The following CAMTA1 variants were observed in gnomAD, a reference collection of about 807,000 sequenced individuals.
The protein encoded by CAMTA1 is calmodulin-binding transcription activator 1.
CAMTA1 carries 27 observed loss-of-function variants against 170.9 expected under a neutral mutation model. That is an observed-to-expected ratio of 0.16 (90% CI 0.12 to 0.22). The LOEUF (loss-of-function observed/expected upper bound fraction) is 0.22. Among genes scored for constraint, CAMTA1 ranks in the 10% least tolerant of loss-of-function variants. CAMTA1 has a pLI of 1.00. For synonymous variants in CAMTA1, 833 were observed against 891.5 expected (o/e 0.93, Z 1.17); for missense variants, 1,619 against 2,217.2 (o/e 0.73, Z 5.42).
At position 7,492,937 on chromosome 1, in the gene CAMTA1, A is replaced by C. The variant is rs555582280; in HGVS notation, c.510+25036A>C. 2.8e-5 allele frequency among the ~76,000 whole-genome samples: 3 copies of C among 108,164 alleles called. No homozygotes were observed. The South Asian group carries it at 8.9e-4, about 32-fold the overall frequency. The allele number at this position is 108,164 out of a possible 152,430, so 71.0% of individuals were successfully genotyped here. On this transcript the variant is annotated intron_variant, in intron 6 of 22. Coordinates refer to ENST00000303635, the MANE Select transcript of CAMTA1 (RefSeq NM_015215.4). Reference sequence around the variant, plus strand: ...CACACAAACCTGCAAACACACACGCACGCACACATAAACACAGACTTACAT... The same window carrying C: ...CACACAAACCTGCAAACACACACGCCCGCACACATAAACACAGACTTACAT...
chr1:6,854,613 G>A (rs1661601778), intron 3 of CAMTA1, among the ~76,000 whole-genome samples: 1 of 152,166 alleles, frequency 6.6e-6, no homozygotes, highest in African/African-American at 2.4e-5. Flanking sequence ...TATGCATAGG[G>A]AACATTGATC....
In CAMTA1 at chr1:7,678,096, T is replaced by C. The variant is rs1274135344; in HGVS notation, c.2914+363T>C. Among the ~76,000 whole-genome samples, 4 of 152,202 alleles carry C rather than the reference T, an allele frequency of 2.6e-5. No individual in the cohort carries two copies. The East Asian group carries it at 7.7e-4, about 29-fold the overall frequency. On this transcript the variant is annotated intron_variant, in intron 11 of 22. Coordinates refer to ENST00000303635, the MANE Select transcript of CAMTA1 (RefSeq NM_015215.4). ...CAGGCAGCAAGGTCCAAGCACCCGC[T>C]GTGCCCCTCCAGGCCTGTTTCCGCG...
chr1:7,395,035 A>G lies in CAMTA1; in HGVS notation c.439-72795A>G, dbSNP rs542403267. 1.7e-3 allele frequency among the ~76,000 whole-genome samples: 253 copies of G among 152,132 alleles called. 2 individuals carry two copies. The highest frequency in any genetic ancestry group is 3.8e-3 in the Admixed American group (58 of 15,276). On this transcript the variant is annotated intron_variant, in intron 5 of 22. Transcript: ENST00000303635. ...GTAGCCAGGACTACAGGTGTCCGCC[A>G]CCACGCCTGGTTAACTTTTGTGTTT... is the stretch of plus-strand genomic sequence containing the variant.
At chr1:7,036,215 T>G (rs1425806688) in intron 3 of CAMTA1, among the ~76,000 whole-genome samples, 1 of 152,098 alleles carries the variant, frequency 6.6e-6, no homozygotes, top group Non-Finnish European at 1.5e-5. Context: ...GAAAATACGA[T>G]TGGTTGGCAC....
At chr1:6,944,025 ATCTCCC>A in intron 3 of CAMTA1, among the ~76,000 whole-genome samples, 1 of 151,770 alleles carries the variant, frequency 6.6e-6, no homozygotes, top group East Asian at 1.9e-4. Flanking sequence ...CGAACTCTCC[ATCTCCC>A]TATCCCCCCA....
intron 4 of CAMTA1, among the ~76,000 whole-genome samples, chr1:7,228,709 C>T (rs1662152649): frequency 6.6e-6 from 1 of 152,158 alleles, no homozygotes; most frequent in Admixed American, 6.5e-5. Flanking sequence ...TGAGAACCTG[C>T]CAGCAGAGCA....
At chr1:7,243,970 A>G (rs1265584732) in intron 4 of CAMTA1, among the ~76,000 whole-genome samples, 2 of 152,246 alleles carry the variant, frequency 1.3e-5, no homozygotes, top group African/African-American at 4.8e-5. Context: ...AGAATGGGAG[A>G]AAATTTTTGC....
At chr1:7,698,086 C>CG (rs202074954) in intron 11 of CAMTA1, among the ~76,000 whole-genome samples, 3 of 142,572 alleles carry the variant, frequency 2.1e-5, no homozygotes, top group African/African-American at 7.7e-5. Flanking sequence ...CCCCCCCCCC[C>CG]CCACCAACAT....
intron 5 of CAMTA1, among the ~76,000 whole-genome samples, chr1:7,369,498 G>C (rs1389564527): frequency 6.6e-6 from 1 of 152,206 alleles, no homozygotes; most frequent in Non-Finnish European, 1.5e-5. Context: ...GCTTATCAGA[G>C]TGAAAGGACA....
intron 5 of CAMTA1, among the ~76,000 whole-genome samples, chr1:7,303,692 A>G (rs1675142049): frequency 6.6e-6 from 1 of 152,198 alleles, no homozygotes; most frequent in African/African-American, 2.4e-5. Flanking sequence ...AATAAGAACT[A>G]GAATATGTAG....
chr1:6,954,404 C>G (rs1339759321), intron 3 of CAMTA1, among the ~76,000 whole-genome samples: 1 of 152,192 alleles, frequency 6.6e-6, no homozygotes, highest in Non-Finnish European at 1.5e-5. Flanking sequence ...CTTATTTATC[C>G]TCATAAACCA....
intron 6 of CAMTA1, among the ~76,000 whole-genome samples, chr1:7,541,787 G>A (rs1575902617): frequency 6.6e-6 from 1 of 152,288 alleles, no homozygotes; most frequent in South Asian, 2.1e-4. Context: ...CACCCACAGG[G>A]GTTCTGGTGA....
At chr1:7,617,884 A>G (rs1360206733) in intron 6 of CAMTA1, among the ~76,000 whole-genome samples, 1 of 152,092 alleles carries the variant, frequency 6.6e-6, no homozygotes, top group Non-Finnish European at 1.5e-5. Context: ...GCTGATCACA[A>G]TAAGGTTCTT....
At chr1:7,381,497 T>C (rs1403091589) in intron 5 of CAMTA1, among the ~76,000 whole-genome samples, 1 of 151,862 alleles carries the variant, frequency 6.6e-6, no homozygotes, top group Non-Finnish European at 1.5e-5. Flanking sequence ...TCATTTTTTA[T>C]GGCTGCATAG....
At chr1:7,668,410 C>CACACACACACACAT (rs1558092664) in intron 9 of CAMTA1, among the ~76,000 whole-genome samples, 7 of 144,866 alleles carry the variant, frequency 4.8e-5, no homozygotes, top group African/African-American at 1.9e-4. Context: ...CACACACACA[C>CACACACACACACAT]ACACACACAC....
intron 5 of CAMTA1, among the ~76,000 whole-genome samples, chr1:7,411,218 C>G (rs2149259836): frequency 6.6e-6 from 1 of 152,284 alleles, no homozygotes; most frequent in East Asian, 1.9e-4. Context: ...GCGTCGGACC[C>G]TGGGATGGCA....
intron 6 of CAMTA1, among the ~76,000 whole-genome samples, chr1:7,582,965 G>T (rs1253863221): frequency 1.3e-5 from 2 of 151,920 alleles, no homozygotes; most frequent in Non-Finnish European, 2.9e-5. Context: ...TCTGCCCCTA[G>T]CTGCTGGGTG....
intron 5 of CAMTA1, among the ~76,000 whole-genome samples, chr1:7,338,742 C>T (rs1383421726): frequency 3.3e-5 from 5 of 152,202 alleles, no homozygotes; most frequent in South Asian, 2.1e-4. Flanking sequence ...ATGGACTTAA[C>T]GCCACCAAAA....
chr1:7,599,732 C>G (rs1338168281), intron 6 of CAMTA1, among the ~76,000 whole-genome samples: 1 of 152,134 alleles, frequency 6.6e-6, no homozygotes, highest in African/African-American at 2.4e-5. Context: ...CATGATTTAG[C>G]TCTCTGTTTG....
Sources: gnomAD v4.1 joint callset for allele counts (sites outside exome capture counted in the v4.1 genomes callset) on GRCh38, gnomAD v4.1.1 for gene constraint, MANE v1.5 for transcripts, NCBI Gene and HGNC (gene_info 2026-07-23, HGNC 2026-07-21) for gene names.